SAE1: variants seen among roughly 807,000 people sequenced by gnomAD.
SAE1 encodes the protein SUMO1 activating enzyme subunit 1.
SAE1 carries 11 observed loss-of-function variants against 40.6 expected under a neutral mutation model. That is an observed-to-expected ratio of 0.27 (90% CI 0.17 to 0.45). SAE1 has a LOEUF of 0.45. Among genes scored for constraint, SAE1 ranks in the 20% least tolerant of loss-of-function variants. The probability of loss-of-function intolerance (pLI) is 1.00; values close to 1 mark genes in which losing one functional copy is unlikely to be tolerated. For missense variants in SAE1, 373 were observed against 427.3 expected, an observed-to-expected ratio of 0.87 and a Z score of 1.12; for synonymous variants, 155 against 154.3, an observed-to-expected ratio of 1.00 and a Z score of -0.03.
chr19:47,131,239 G>A, intron 1 of SAE1: 1 of 1,277,266 alleles, frequency 7.8e-7, no homozygotes, highest in Non-Finnish European at 1.0e-6. Flanking sequence ...CCGTTCCGAA[G>A]GATGGGAGCT....
intron 2 of SAE1, among the ~76,000 whole-genome samples, chr19:47,146,747 T>A (rs1469877890): frequency 6.6e-6 from 1 of 152,172 alleles, no homozygotes; most frequent in Non-Finnish European, 1.5e-5. Flanking sequence ...CCAGAGCCCA[T>A]GTTCTCAGCC....
At chr19:47,145,558 C>G (rs78138403) in intron 2 of SAE1, among the ~76,000 whole-genome samples, 1 of 152,110 alleles carries the variant, frequency 6.6e-6, no homozygotes, top group Admixed American at 6.6e-5. Flanking sequence ...TCTACATTCC[C>G]ATGCCTCAGT....
intron 7 of SAE1, among the ~76,000 whole-genome samples, chr19:47,200,057 A>G (rs1214082697): frequency 6.6e-6 from 1 of 150,852 alleles, no homozygotes. Flanking sequence ...CAGCCTCCCC[A>G]GTAGCTGGGA....
At chr19:47,153,084 T>C (rs377757100) in intron 4 of SAE1, 44 bp downstream of exon 4, 467 of 1,510,300 alleles carry the variant, frequency 3.1e-4, no homozygotes, top group Non-Finnish European at 3.9e-4. Flanking sequence ...TTTTCTCCTT[T>C]TTATACTTTT....
intron 5 of SAE1, among the ~76,000 whole-genome samples, chr19:47,159,428 C>T (rs1412636212): frequency 1.3e-5 from 2 of 152,120 alleles, no homozygotes; most frequent in Middle Eastern, 6.3e-3. Context: ...GGAAGGTAGT[C>T]TTGTTCACTG....
chr19:47,199,155 G>T (rs1372553239), intron 7 of SAE1, among the ~76,000 whole-genome samples: 1 of 152,006 alleles, frequency 6.6e-6, no homozygotes. Flanking sequence ...GGGAGGCCGA[G>T]ACAGGCAGAT....
chr19:47,139,755 A>ATT lies in SAE1; in HGVS notation c.99-3721_99-3720dup, dbSNP rs780524600. Among the ~76,000 whole-genome samples the ATT allele has an allele frequency of 3.1e-3, 392 of 125,126 alleles. 3 individuals are homozygous for ATT. Among genetic ancestry groups the ATT allele is most frequent in the African/African-American group, 0.011 (361 of 33,152 alleles). 82.1% of individuals were successfully genotyped at this position (125,126 alleles called of 152,430 possible). On this transcript the variant is annotated intron_variant, in intron 1 of 8. Coordinates refer to ENST00000270225, the MANE Select transcript of SAE1 (RefSeq NM_005500.3). ...AGGCACCCGCCACCACTCCCGGCCA[A>ATT]TTTTTTTTTTTTTTTTTTTGTATTT...
chr19:47,171,495 G>T (rs368543363), intron 6 of SAE1, among the ~76,000 whole-genome samples: 1 of 151,182 alleles, frequency 6.6e-6, no homozygotes, highest in Admixed American at 6.6e-5. Context: ...TCACTCTGTT[G>T]CCCAGGAGAG....
chr19:47,201,360 C>CTTTTTTTTTTTTTTTTTTTT (rs57568797), intron 7 of SAE1, among the ~76,000 whole-genome samples: 6 of 66,230 alleles, frequency 9.1e-5, no homozygotes, highest in African/African-American at 2.7e-4. Context: ...TATCTGGTTC[C>CTTTTTTTTTTTTTTTTTTTT]TTTTTTTTTT....
chr19:47,131,059 G>T, intron 1 of SAE1, 31 bp downstream of exon 1: 1 of 1,503,666 alleles, frequency 6.7e-7, no homozygotes, highest in Non-Finnish European at 8.9e-7. Context: ...AGGCCGCTAG[G>T]GTCTGGAGGG....
chr19:47,168,855 C>T (rs1483730663), intron 5 of SAE1, among the ~76,000 whole-genome samples: 3 of 152,044 alleles, frequency 2.0e-5, no homozygotes, highest in Non-Finnish European at 4.4e-5. Flanking sequence ...CCACCCGCCT[C>T]GGCCTCCCAA....
chr19:47,186,262 T>C (rs957316806), intron 6 of SAE1, among the ~76,000 whole-genome samples: 2 of 148,550 alleles, frequency 1.3e-5, no homozygotes, highest in East Asian at 2.0e-4. Context: ...AAAAAAAAAA[T>C]AATAAAAGCT....
rs540493768 is a variant in SAE1, at chr19:47,179,170, C to T, written c.733+9247C>T. On this transcript the variant is annotated intron_variant, in intron 6 of 8. Transcript: ENST00000270225. ...TCTCACCACTGCACTCCAGCATGGG[C>T]GACAGAACAAGGCTCTGTCTCCAAA... 1.1e-4 allele frequency among the ~76,000 whole-genome samples: 15 copies of T among 131,888 alleles called. No homozygotes were observed. The South Asian group carries it at 2.4e-3, about 21-fold the overall frequency. The allele number at this position is 131,888 out of a possible 152,430, so 86.5% of individuals were successfully genotyped here. A position where few individuals can be genotyped will look rare whatever the true frequency, so the allele number is the denominator to read the frequency against.
At chr19:47,167,785 G>C (rs2058403560) in intron 5 of SAE1, among the ~76,000 whole-genome samples, 1 of 151,980 alleles carries the variant, frequency 6.6e-6, no homozygotes, top group Non-Finnish European at 1.5e-5. Flanking sequence ...AAAATATAGA[G>C]ACACAGAGTC....
At chr19:47,132,513 G>A (rs957056478) in intron 1 of SAE1, among the ~76,000 whole-genome samples, 5 of 150,356 alleles carry the variant, frequency 3.3e-5, no homozygotes, top group African/African-American at 7.4e-5. Context: ...GGCCTCAAGA[G>A]ATCTCCCCCC....
intron 7 of SAE1, among the ~76,000 whole-genome samples, chr19:47,202,350 C>T (rs919586231): frequency 1.3e-5 from 2 of 151,656 alleles, no homozygotes; most frequent in African/African-American, 2.4e-5. Flanking sequence ...TGTAGTTGTG[C>T]GATCTCAGCT....
chr19:47,196,804 A>G (rs2058619292), intron 6 of SAE1, among the ~76,000 whole-genome samples: 2 of 152,010 alleles, frequency 1.3e-5, no homozygotes, highest in South Asian at 2.1e-4. Flanking sequence ...CAGACGCCCT[A>G]TTATGCTGTC....
chr19:47,207,269 C>A (rs994794410), intron 8 of SAE1, among the ~76,000 whole-genome samples: 3 of 152,154 alleles, frequency 2.0e-5, no homozygotes, highest in Admixed American at 2.0e-4. Context: ...AATAAAATTT[C>A]CCTGGAAAAA....
intron 5 of SAE1, among the ~76,000 whole-genome samples, chr19:47,162,160 TTTTTG>T (rs1600171998): frequency 6.6e-6 from 1 of 152,170 alleles, no homozygotes; most frequent in East Asian, 1.9e-4. Flanking sequence ...TTCTTTTTGG[TTTTTG>T]TTTTGTTTTT....
Sources: allele counts gnomAD v4.1 joint callset (sites outside exome capture counted in the v4.1 genomes callset), GRCh38; gene constraint gnomAD v4.1.1; transcripts MANE v1.5; gene names NCBI Gene and HGNC (gene_info 2026-07-23, HGNC 2026-07-21).